The following SAMMSON variants were observed in gnomAD, a reference collection of about 807,000 sequenced individuals.
The protein encoded by SAMMSON is long intergenic non-protein coding RNA 1212.
chr3:70,248,396 G>A (rs1276510385), intron 4 of SAMMSON, among the ~76,000 whole-genome samples: 1 of 152,084 alleles, frequency 6.6e-6, no homozygotes, highest in Non-Finnish European at 1.5e-5. Flanking sequence ...GCCAAAAAGT[G>A]TTGGGTTATG....
chr3:70,113,160 G>A (rs1163401794), intron 4 of SAMMSON, among the ~76,000 whole-genome samples: 1 of 151,966 alleles, frequency 6.6e-6, no homozygotes, highest in Non-Finnish European at 1.5e-5. Context: ...AACAGCATAT[G>A]GTATAGTTAT....
At chr3:70,214,279 A>G (rs1701383515) in intron 4 of SAMMSON, among the ~76,000 whole-genome samples, 1 of 152,140 alleles carries the variant, frequency 6.6e-6, no homozygotes, top group African/African-American at 2.4e-5. Flanking sequence ...TTTCAAGTTA[A>G]AGTCACAGTC....
chr3:70,011,148 A>C (rs1244886749), intron 1 of SAMMSON, among the ~76,000 whole-genome samples: 1 of 152,162 alleles, frequency 6.6e-6, no homozygotes, highest in Non-Finnish European at 1.5e-5. Flanking sequence ...GATACATAAT[A>C]GTTTTACATA....
chr3:70,064,832 T>G (rs960258322), intron 3 of SAMMSON, among the ~76,000 whole-genome samples: 3 of 152,102 alleles, frequency 2.0e-5, no homozygotes, highest in African/African-American at 7.2e-5. Context: ...TTGTGTGTGG[T>G]GTGTGTATGC....
intron 4 of SAMMSON, among the ~76,000 whole-genome samples, chr3:70,194,216 G>A (rs1198157795): frequency 6.6e-6 from 1 of 152,170 alleles, no homozygotes; most frequent in Non-Finnish European, 1.5e-5. Context: ...AAGATTGTAT[G>A]TTCTTAAATC....
At chr3:70,328,614 CA>C (rs1317859971) in intron 7 of SAMMSON, among the ~76,000 whole-genome samples, 1 of 151,836 alleles carries the variant, frequency 6.6e-6, no homozygotes, top group Non-Finnish European at 1.5e-5. Flanking sequence ...AATAATTATC[CA>C]AAATAAAAAC....
intron 3 of SAMMSON, chr3:70,069,898 T>C (rs1559784846): frequency 6.6e-6 from 1 of 152,056 alleles, no homozygotes; most frequent in Non-Finnish European, 1.5e-5. Context: ...TTAGGGCAAA[T>C]AAATTATAAG....
chr3:70,384,092 A>G (rs922402383), intron 9 of SAMMSON, among the ~76,000 whole-genome samples: 1 of 152,074 alleles, frequency 6.6e-6, no homozygotes, highest in African/African-American at 2.4e-5. Flanking sequence ...GGGCTAAAAA[A>G]AATTACCCAG....
chr3:70,167,129 T>A (rs1377913534), intron 4 of SAMMSON, among the ~76,000 whole-genome samples: 1 of 152,070 alleles, frequency 6.6e-6, no homozygotes, highest in African/African-American at 2.4e-5. Context: ...TAACTTTTTT[T>A]AACTTAGTCT....
At chr3:70,274,096 C>T (rs11915742) in intron 6 of SAMMSON, among the ~76,000 whole-genome samples, 133,976 of 149,216 alleles carry the variant, frequency 0.9, 59,965 homozygotes, top group African/African-American at 0.94. Flanking sequence ...TGTGTGCGCG[C>T]GCGCATGTGT....
At chr3:70,415,369 T>A (rs1342036256) in intron 2 of SAMMSON, among the ~76,000 whole-genome samples, 1 of 152,070 alleles carries the variant, frequency 6.6e-6, no homozygotes, top group Admixed American at 6.6e-5. Flanking sequence ...AAAAAAAAAA[T>A]TTAATCACAA....
intron 7 of SAMMSON, among the ~76,000 whole-genome samples, chr3:70,337,752 T>C (rs944129409): frequency 2.0e-5 from 3 of 151,948 alleles, no homozygotes; most frequent in African/African-American, 7.2e-5. Flanking sequence ...CCACTACTCA[T>C]GTACTCCAAG....
chr3:70,007,537 G>T (rs886499839), intron 1 of SAMMSON, among the ~76,000 whole-genome samples: 9 of 151,906 alleles, frequency 5.9e-5, no homozygotes, highest in Admixed American at 5.9e-4. Context: ...GTAGATTCTG[G>T]ATATTAGCCC....
At chr3:70,125,508 A>C (rs1266117915) in intron 4 of SAMMSON, 2 of 716,318 alleles carry the variant, frequency 2.8e-6, no homozygotes, top group South Asian at 3.1e-5. Flanking sequence ...GTGATGTTCA[A>C]ATTAGGTTTG....
At chr3:70,373,928 T>C (rs1292837628) in intron 9 of SAMMSON, among the ~76,000 whole-genome samples, 7 of 152,142 alleles carry the variant, frequency 4.6e-5, no homozygotes, top group Non-Finnish European at 8.8e-5. Flanking sequence ...TTATTATTAT[T>C]ATTGAGATGG....
chr3:70,410,117 C>A (rs781459352), intron 2 of SAMMSON, among the ~76,000 whole-genome samples: 1 of 152,170 alleles, frequency 6.6e-6, no homozygotes, highest in Non-Finnish European at 1.5e-5. Flanking sequence ...AATCTTTTCC[C>A]CCTAAACTAT....
intron 7 of SAMMSON, among the ~76,000 whole-genome samples, chr3:70,338,802 A>C (rs1702686533): frequency 6.6e-6 from 1 of 152,188 alleles, no homozygotes; most frequent in Non-Finnish European, 1.5e-5. Flanking sequence ...GGAAGAAACA[A>C]TATCATGAAA....
At chr3:70,256,362 A>G (rs1208044118) in intron 6 of SAMMSON, among the ~76,000 whole-genome samples, 2 of 152,222 alleles carry the variant, frequency 1.3e-5, no homozygotes, top group Non-Finnish European at 2.9e-5. Context: ...ATGATGATCT[A>G]TTATATAAAC....
chr3:70,228,439 G>C (rs1701528423), intron 4 of SAMMSON, among the ~76,000 whole-genome samples: 1 of 151,870 alleles, frequency 6.6e-6, no homozygotes, highest in Non-Finnish European at 1.5e-5. Flanking sequence ...AAAAAATAAT[G>C]CTTCACTGAT....
Sources: allele counts gnomAD v4.1 joint callset (sites outside exome capture counted in the v4.1 genomes callset), GRCh38; gene constraint gnomAD v4.1.1; transcripts MANE v1.5; gene names NCBI Gene and HGNC (gene_info 2026-07-23, HGNC 2026-07-21).